Variants in PEAK1 observed in about 807,000 individuals in gnomAD.
The protein encoded by PEAK1 is inactive tyrosine-protein kinase PEAK1.
A neutral mutation model predicts 124.7 loss-of-function variants in PEAK1; 54 were observed. That is an observed-to-expected ratio of 0.43 (90% confidence interval 0.35 to 0.54). The LOEUF (loss-of-function observed/expected upper bound fraction) is 0.54. Among genes scored for constraint, PEAK1 ranks in the 20% least tolerant of loss-of-function variants. The pLI is 0.01. For synonymous variants in PEAK1, 719 were observed against 760.0 expected (o/e 0.95, Z 0.89); for missense variants, 2,046 against 2,134.5 (o/e 0.96, Z 0.82).
rs1177218904 is a variant in PEAK1, at chr15:77,352,488, A to G, written c.-603+12675T>C. ...TGTTGAGAGGAAATGGGGGCTATGG[A>G]GAGAGCCTGGACATTTTGCCAAAAT... On this transcript the variant is annotated intron_variant, in intron 2 of 9. Coordinates refer to ENST00000682557, the MANE Select transcript of PEAK1 (RefSeq NM_001385026.1). 15 of 985,350 alleles carry G rather than the reference A, an allele frequency of 1.5e-5. No individual in the cohort carries two copies. In the East Asian group the frequency reaches 1.7e-3, roughly 112 times the overall value. The allele number at this position is 985,350 out of a possible 1,614,324, so 61.0% of individuals were successfully genotyped here. A position where few individuals can be genotyped will look rare whatever the true frequency, so the allele number is the denominator to read the frequency against.
intron 7 of PEAK1, among the ~76,000 whole-genome samples, chr15:77,175,161 C>T (rs2152810745): frequency 6.6e-6 from 1 of 152,128 alleles, no homozygotes; most frequent in African/African-American, 2.4e-5. Flanking sequence ...AGAAGAAAAC[C>T]CAGGCATTAC....
intron 7 of PEAK1, among the ~76,000 whole-genome samples, chr15:77,166,424 G>T (rs992056987): frequency 8.5e-5 from 13 of 152,192 alleles, no homozygotes; most frequent in Non-Finnish European, 2.9e-5. Flanking sequence ...TGGGCCAGGT[G>T]ATTCTTTGTT....
chr15:77,381,308 G>T, intron 1 of PEAK1: 1 of 863,100 alleles, frequency 1.2e-6, no homozygotes, highest in Non-Finnish European at 1.4e-6. Context: ...CAAGTTACGT[G>T]GGAGACTGAG....
At chr15:77,257,062 T>C (rs148135933) in intron 5 of PEAK1, among the ~76,000 whole-genome samples, 3,444 of 152,290 alleles carry the variant, frequency 0.023, 111 homozygotes, top group African/African-American at 0.072. Flanking sequence ...GAACTCCTCA[T>C]TTTTTATGGC....
chr15:77,271,210 G>A (rs917469918), intron 5 of PEAK1, among the ~76,000 whole-genome samples: 3 of 152,132 alleles, frequency 2.0e-5, no homozygotes, highest in Admixed American at 6.5e-5. Context: ...TCAGAGAAAC[G>A]CAAAACTAAA....
intron 7 of PEAK1, among the ~76,000 whole-genome samples, chr15:77,166,011 G>T (rs2056071807): frequency 6.6e-6 from 1 of 151,990 alleles, no homozygotes; most frequent in Admixed American, 6.6e-5. Flanking sequence ...TGAAGATGAA[G>T]AAATAAAACT....
chr15:77,348,497 A>C (rs2067008168), intron 2 of PEAK1: 1 of 961,740 alleles, frequency 1.0e-6, no homozygotes, highest in South Asian at 4.8e-5. Context: ...ACAATACTCA[A>C]GTTGAATATA....
rs368883722 is a variant in PEAK1 at position 77,133,080 on chromosome 15, T to C, written c.4002A>G (p.Pro1334=). The C allele has an allele frequency of 3.5e-5, 57 of 1,614,094 alleles. No individual in the cohort carries two copies. The highest frequency in any genetic ancestry group is 4.7e-5 in the Non-Finnish European group (56 of 1,180,038). The change falls in exon 9 of 10, where the codon CCA becomes CCG. Residue 1334 remains proline, a synonymous_variant. Transcript: ENST00000682557. The surrounding 1 kb of genome is among the most constrained non-coding windows in gnomAD (Gnocchi z 4.2). ...WSDFRLTSDK[P]CCEAGDAVYY... The stretch of plus-strand genomic sequence containing the variant: ...AAACCGCATCACCTGCCTCACAACA[T>C]GGTTTGTCACTGGTTAGCCTGAAGT...
At chr15:77,328,723 A>G (rs999998068) in intron 2 of PEAK1, among the ~76,000 whole-genome samples, 1 of 152,138 alleles carries the variant, frequency 6.6e-6, no homozygotes, top group Non-Finnish European at 1.5e-5. Context: ...ACAGTGCCAC[A>G]CACAATTCAC....
intron 6 of PEAK1, among the ~76,000 whole-genome samples, chr15:77,191,302 T>G (rs1199936723): frequency 6.6e-6 from 1 of 152,218 alleles, no homozygotes; most frequent in East Asian, 1.9e-4. Context: ...TGATTCATAG[T>G]AAGCACTTAA....
Position 77,214,555 on chromosome 15 carries a change from C to T in PEAK1, c.-114-32515G>A, listed in dbSNP as rs113229884. Reference sequence around the variant, plus strand: ...AGGAGAATGGCGTGAACCCAGGAGGCGGAACTTGCAGTGAGCCAAGATCGC... The same window carrying T: ...AGGAGAATGGCGTGAACCCAGGAGGTGGAACTTGCAGTGAGCCAAGATCGC... On this transcript the variant is annotated intron_variant, in intron 6 of 9. Transcript: ENST00000682557. 3.5e-4 allele frequency among the ~76,000 whole-genome samples: 52 copies of T among 149,930 alleles called. 2 individuals are homozygous for T. The highest frequency in any genetic ancestry group is 1.2e-3 in the African/African-American group (48 of 40,734).
intron 6 of PEAK1, among the ~76,000 whole-genome samples, chr15:77,195,842 C>T (rs1470578040): frequency 6.6e-6 from 1 of 152,222 alleles, no homozygotes; most frequent in Non-Finnish European, 1.5e-5. Context: ...GTTGCCGACG[C>T]TCCATCCTGA....
chr15:77,175,193 C>T (rs1422180897), intron 7 of PEAK1, among the ~76,000 whole-genome samples: 17 of 152,034 alleles, frequency 1.1e-4, no homozygotes, highest in African/African-American at 3.9e-4. Flanking sequence ...TAGGCATGGG[C>T]AAGGACTTCA....
At chr15:77,235,373 T>C (rs1416969582) in intron 6 of PEAK1, among the ~76,000 whole-genome samples, 1 of 151,968 alleles carries the variant, frequency 6.6e-6, no homozygotes, top group Non-Finnish European at 1.5e-5. Context: ...ATGCTGATAG[T>C]GATATGGACA....
chr15:77,347,364 G>C, intron 2 of PEAK1: 1 of 985,346 alleles, frequency 1.0e-6, no homozygotes, highest in Non-Finnish European at 1.2e-6. Context: ...ATGCCACAGA[G>C]GAAGAGGTTT....
chr15:77,385,684 T>C (rs2069869009), intron 1 of PEAK1, among the ~76,000 whole-genome samples: 1 of 152,190 alleles, frequency 6.6e-6, no homozygotes, highest in Non-Finnish European at 1.5e-5. Flanking sequence ...GAAGTCACAC[T>C]GTATGAAAAT....
chr15:77,163,956 G>A (rs2055883152), intron 7 of PEAK1, among the ~76,000 whole-genome samples: 1 of 152,148 alleles, frequency 6.6e-6, no homozygotes, highest in Non-Finnish European at 1.5e-5. Context: ...TTCTGGGGTT[G>A]CTGGGGATAA....
At chr15:77,293,704 A>G (rs1288882452) in intron 2 of PEAK1, among the ~76,000 whole-genome samples, 2 of 152,176 alleles carry the variant, frequency 1.3e-5, no homozygotes, top group African/African-American at 4.8e-5. Flanking sequence ...CTAAATATTG[A>G]TTACTATTAT....
At chr15:77,196,458 T>A (rs1305475013) in intron 6 of PEAK1, among the ~76,000 whole-genome samples, 1 of 152,206 alleles carries the variant, frequency 6.6e-6, no homozygotes, top group South Asian at 2.1e-4. Context: ...TAATTTCAAA[T>A]GTATTCTAAT....
Sources: allele counts gnomAD v4.1 joint callset (sites outside exome capture counted in the v4.1 genomes callset), GRCh38; gene constraint gnomAD v4.1.1; non-coding constraint Gnocchi (gnomAD v3.1); transcripts MANE v1.5; gene names NCBI Gene and HGNC (gene_info 2026-07-23, HGNC 2026-07-21).